Variants in KIAA1549L observed in about 807,000 individuals in gnomAD.
KIAA1549L encodes the protein KIAA1549 like.
In KIAA1549L, 88 loss-of-function variants were observed where a neutral mutation model predicts 160.7. The observed-to-expected ratio is 0.55, with a 90% confidence interval of 0.46 to 0.65. The LOEUF is 0.65. Ranked by LOEUF, KIAA1549L falls within the 30% of genes least tolerant of loss-of-function variation. The probability of loss-of-function intolerance (pLI) is 0.00; values close to 1 mark genes in which losing one functional copy is unlikely to be tolerated. For missense variants in KIAA1549L, 2,258 were observed against 2,437.5 expected (o/e 0.93, Z 1.55); for synonymous variants, 950 against 976.7 (o/e 0.97, Z 0.51).
chr11:33,443,717 A>G lies in KIAA1549L; in HGVS notation c.238+66828A>G, dbSNP rs552102289. 1.0e-4 allele frequency among the ~76,000 whole-genome samples: 15 copies of G among 144,244 alleles called. No homozygotes were observed. In the South Asian group the frequency reaches 1.5e-3, roughly 15 times the overall value. The allele number at this position is 144,244 out of a possible 152,430, so 94.6% of individuals were successfully genotyped here. On this transcript the variant is annotated intron_variant, in intron 1 of 20. Coordinates refer to ENST00000658780, the MANE Select transcript of KIAA1549L (RefSeq NM_012194.3). The stretch of plus-strand genomic sequence containing the variant: ...GGGTCCTTCTCAGAATGAAAGTTGT[A>G]TTTATGGAATTGAAAAAAAAAACAA...
chr11:33,464,109 A>T (rs1851995487), intron 1 of KIAA1549L, among the ~76,000 whole-genome samples: 1 of 152,246 alleles, frequency 6.6e-6, no homozygotes, highest in African/African-American at 2.4e-5. Flanking sequence ...GTGAGGAAAC[A>T]GTCTTAAAGT....
chr11:33,384,937 GTTT>G (rs1212050863), intron 1 of KIAA1549L, among the ~76,000 whole-genome samples: 1 of 114,622 alleles, frequency 8.7e-6, no homozygotes, highest in Admixed American at 8.1e-5. Context: ...CGTTTTTTTT[GTTT>G]TTTGTTTTTT....
chr11:33,449,902 C>T (rs1851686177), intron 1 of KIAA1549L, among the ~76,000 whole-genome samples: 1 of 152,174 alleles, frequency 6.6e-6, no homozygotes, highest in Non-Finnish European at 1.5e-5. Flanking sequence ...CTCCCGGACT[C>T]AGATTCCCAC....
intron 1 of KIAA1549L, among the ~76,000 whole-genome samples, chr11:33,463,946 G>C (rs1395580569): frequency 6.6e-6 from 1 of 152,180 alleles, no homozygotes; most frequent in Non-Finnish European, 1.5e-5. Context: ...CTGGTACCAG[G>C]TTGGCAGGGG....
At chr11:33,661,704 A>G (rs1271815937) in intron 20 of KIAA1549L, among the ~76,000 whole-genome samples, 3 of 151,942 alleles carry the variant, frequency 2.0e-5, no homozygotes, top group Non-Finnish European at 4.4e-5. Flanking sequence ...ACATGGTGAA[A>G]CCCCTTCTCT....
rs2133480184 is a variant in KIAA1549L at position 33,673,198 on chromosome 11, G to C, written c.*5044G>C. 1.3e-5 allele frequency: 2 copies of C among 152,288 alleles called. No homozygotes were observed. The highest frequency in any genetic ancestry group is 4.1e-4 in the South Asian group (2 of 4,826). 9.4% of individuals were successfully genotyped at this position (152,288 alleles called of 1,614,324 possible). A position where few individuals can be genotyped will look rare whatever the true frequency, so the allele number is the denominator to read the frequency against. Reference sequence around the variant, plus strand: ...TGATTCTGCAGGTTTAAAAAAAATGGGAAGTTTGTGATATGGCAGAATCTG... The same window carrying C: ...TGATTCTGCAGGTTTAAAAAAAATGCGAAGTTTGTGATATGGCAGAATCTG... On this transcript the variant is annotated 3_prime_UTR_variant, in exon 21 of 21. Transcript: ENST00000658780.
At chr11:33,496,843 T>C (rs1852832072) in intron 1 of KIAA1549L, among the ~76,000 whole-genome samples, 1 of 152,160 alleles carries the variant, frequency 6.6e-6, no homozygotes, top group Admixed American at 6.5e-5. Context: ...ATCTAACTCC[T>C]TCTGCCTCCT....
In KIAA1549L at chr11:33,435,759, GATATATATATAT is replaced by G. The variant is rs71034686; in HGVS notation, c.238+58911_238+58922del. Among the ~76,000 whole-genome samples, 24 of 14,976 alleles carry G rather than the reference GATATATATATAT, an allele frequency of 1.6e-3. 1 individual carries two copies. The highest frequency in any genetic ancestry group is 3.2e-3 in the Admixed American group (3 of 950). The allele number at this position is 14,976 out of a possible 152,430, so 9.8% of individuals were successfully genotyped here. A position where few individuals can be genotyped will look rare whatever the true frequency, so the allele number is the denominator to read the frequency against. ...CCTTCCAGAGAAACAGAACCAATAA[GATATATATATAT>G]ATATATATATATATATATATATATA... On this transcript the variant is annotated intron_variant, in intron 1 of 20. Coordinates refer to ENST00000658780, the MANE Select transcript of KIAA1549L (RefSeq NM_012194.3).
At chr11:33,603,383 T>C (rs1307625770) in intron 13 of KIAA1549L, among the ~76,000 whole-genome samples, 1 of 151,924 alleles carries the variant, frequency 6.6e-6, no homozygotes, top group Non-Finnish European at 1.5e-5. Flanking sequence ...TTAAGGAAAG[T>C]CATTTTTAAG....
Position 33,570,808 on chromosome 11 carries a change from G to A in KIAA1549L, c.4230+2581G>A, listed in dbSNP as rs1184508316. ...TAAATATTTGACTTAATTTGTAATC[G>A]AAGTAAGGCAAGTTTTAACTACCAC... On this transcript the variant is annotated intron_variant, in intron 9 of 20. Transcript: ENST00000658780. Among the ~76,000 whole-genome samples the A allele has an allele frequency of 3.3e-5, 5 of 152,072 alleles. No individual in the cohort carries two copies. The East Asian group carries it at 5.8e-4, about 18-fold the overall frequency.
At chr11:33,618,089 A>G (rs1282892423) in intron 15 of KIAA1549L, among the ~76,000 whole-genome samples, 3 of 152,238 alleles carry the variant, frequency 2.0e-5, no homozygotes, top group Non-Finnish European at 4.4e-5. Context: ...CCCACTAGCT[A>G]CAGGGTTTAT....
chr11:33,391,764 C>T (rs1220304889), intron 1 of KIAA1549L, among the ~76,000 whole-genome samples: 1 of 150,374 alleles, frequency 6.7e-6, no homozygotes, highest in Non-Finnish European at 1.5e-5. Context: ...ATCTCTCACC[C>T]TCCTTAGACA....
At chr11:33,529,626 C>T (rs1036199723) in intron 1 of KIAA1549L, among the ~76,000 whole-genome samples, 27 of 152,152 alleles carry the variant, frequency 1.8e-4, no homozygotes, top group African/African-American at 5.8e-4. Context: ...ATCAGGAACT[C>T]GGATGCTGTG....
In KIAA1549L at chr11:33,601,946, G is replaced by A. The variant is rs1035553747; in HGVS notation, c.4879+2999G>A. The stretch of plus-strand genomic sequence containing the variant: ...AGACATGAGAGCTAGGATTTTGAAA[G>A]CAAAAAGAGTTTGGTGCTTTCTCAA... On this transcript the variant is annotated intron_variant, in intron 13 of 20. Transcript: ENST00000658780. Among the ~76,000 whole-genome samples, 17 of 152,170 alleles carry A rather than the reference G, an allele frequency of 1.1e-4. 1 individual carries two copies. The highest frequency in any genetic ancestry group is 1.5e-4 in the Non-Finnish European group (10 of 68,008).
chr11:33,586,697 A>G (rs1185698085), intron 11 of KIAA1549L, among the ~76,000 whole-genome samples: 1 of 152,008 alleles, frequency 6.6e-6, no homozygotes, highest in African/African-American at 2.4e-5. Flanking sequence ...AGAACAGCCA[A>G]CTGTTTCCTC....
At chr11:33,470,457 T>C (rs1852155112) in intron 1 of KIAA1549L, among the ~76,000 whole-genome samples, 1 of 152,184 alleles carries the variant, frequency 6.6e-6, no homozygotes, top group South Asian at 2.1e-4. Flanking sequence ...GTTTTGGCTT[T>C]TTTTTTCAGA....
At chr11:33,456,704 G>A (rs1247723078) in intron 1 of KIAA1549L, among the ~76,000 whole-genome samples, 1 of 152,196 alleles carries the variant, frequency 6.6e-6, no homozygotes, top group Non-Finnish European at 1.5e-5. Flanking sequence ...GAGCCATTGT[G>A]CCCAGCCTGC....
intron 1 of KIAA1549L, among the ~76,000 whole-genome samples, chr11:33,503,128 A>C (rs1426813139): frequency 6.6e-6 from 1 of 152,230 alleles, no homozygotes; most frequent in Non-Finnish European, 1.5e-5. Context: ...TTTTCTGATC[A>C]TTCAACTTAC....
intron 16 of KIAA1549L, among the ~76,000 whole-genome samples, chr11:33,636,349 C>CT (rs71034697): frequency 0.55 from 74,216 of 136,066 alleles, 20,377 homozygotes; most frequent in East Asian, 0.7. Context: ...AATGAATCTT[C>CT]TTTTTTTTTT....
Sources: allele counts gnomAD v4.1 joint callset (sites outside exome capture counted in the v4.1 genomes callset), GRCh38; gene constraint gnomAD v4.1.1; transcripts MANE v1.5; gene names NCBI Gene and HGNC (gene_info 2026-07-23, HGNC 2026-07-21).